The following BAIAP2L1 variants were observed in gnomAD, a reference collection of about 807,000 sequenced individuals.
The protein encoded by BAIAP2L1 is BAR/IMD domain containing adaptor protein 2 like 1.
A neutral mutation model predicts 66.3 loss-of-function variants in BAIAP2L1; 35 were observed. The observed-to-expected ratio is 0.53, with a 90% CI of 0.40 to 0.70. The LOEUF (loss-of-function observed/expected upper bound fraction) is 0.70, where lower values mean the gene tolerates loss of function less well. Among genes scored for constraint, BAIAP2L1 ranks in the 30% least tolerant of loss-of-function variants. The probability of loss-of-function intolerance (pLI) is 0.00; values close to 1 mark genes in which losing one functional copy is unlikely to be tolerated. For missense variants in BAIAP2L1, 622 were observed against 656.9 expected, an observed-to-expected ratio of 0.95 and a Z score of 0.58; for synonymous variants, 269 against 248.7, an observed-to-expected ratio of 1.08 and a Z score of -0.77.
At chr7:98,344,635 A>G (rs889331380) in intron 3 of BAIAP2L1, among the ~76,000 whole-genome samples, 6 of 152,090 alleles carry the variant, frequency 3.9e-5, no homozygotes, top group African/African-American at 9.7e-5. Flanking sequence ...ATTAAAGTGT[A>G]TCTTCTTCCT....
At chr7:98,352,406 C>T (rs1166417857) in intron 3 of BAIAP2L1, among the ~76,000 whole-genome samples, 5 of 152,128 alleles carry the variant, frequency 3.3e-5, no homozygotes, top group Non-Finnish European at 7.3e-5. Context: ...TTTTGAGAGG[C>T]GTAGGCGGGT....
intron 2 of BAIAP2L1, among the ~76,000 whole-genome samples, chr7:98,357,020 A>AAATAT (rs1554337328): frequency 7.1e-5 from 2 of 28,100 alleles, no homozygotes; most frequent in Non-Finnish European, 1.0e-4. Flanking sequence ...AAAAAAAAAA[A>AAATAT]ATATATATAT....
intron 1 of BAIAP2L1, among the ~76,000 whole-genome samples, chr7:98,384,196 T>G (rs548869195): frequency 1.3e-5 from 2 of 148,980 alleles, no homozygotes; most frequent in Non-Finnish European, 3.0e-5. Context: ...TCCTTGGAAA[T>G]GTACCGTCTT....
chr7:98,393,239 G>C (rs929664624), intron 1 of BAIAP2L1, among the ~76,000 whole-genome samples: 1 of 150,658 alleles, frequency 6.6e-6, no homozygotes, highest in African/African-American at 2.4e-5. Context: ...ATGGGGTTTC[G>C]CCATGTTGGC....
chr7:98,318,805 G>A (rs1316054698), intron 5 of BAIAP2L1, among the ~76,000 whole-genome samples: 2 of 151,656 alleles, frequency 1.3e-5, no homozygotes, highest in Admixed American at 6.6e-5. Context: ...TTAGCCGGGT[G>A]CAGTGGTGGG....
intron 12 of BAIAP2L1, among the ~76,000 whole-genome samples, chr7:98,297,238 G>A (rs1800230259): frequency 6.6e-6 from 1 of 152,258 alleles, no homozygotes; most frequent in Non-Finnish European, 1.5e-5. Flanking sequence ...TGTGGACACT[G>A]GCTGACCACC....
intron 1 of BAIAP2L1, among the ~76,000 whole-genome samples, chr7:98,369,583 G>C (rs1361046586): frequency 1.3e-5 from 2 of 151,098 alleles, no homozygotes; most frequent in Non-Finnish European, 1.5e-5. Context: ...GAGCACCACA[G>C]AAAGCAGCCC....
At chr7:98,383,862 A>G (rs181310850) in intron 1 of BAIAP2L1, among the ~76,000 whole-genome samples, 1 of 152,220 alleles carries the variant, frequency 6.6e-6, no homozygotes, top group East Asian at 1.9e-4. Flanking sequence ...TGAATGAAGA[A>G]AGAGCTCCAG....
At chr7:98,370,233 G>A (rs1186998149) in intron 1 of BAIAP2L1, among the ~76,000 whole-genome samples, 2 of 151,900 alleles carry the variant, frequency 1.3e-5, no homozygotes, top group Non-Finnish European at 2.9e-5. Flanking sequence ...AAATTAGCCA[G>A]GCATGGTGGC....
intron 3 of BAIAP2L1, among the ~76,000 whole-genome samples, chr7:98,351,283 C>T (rs1406559590): frequency 6.6e-6 from 1 of 152,182 alleles, no homozygotes; most frequent in African/African-American, 2.4e-5. Flanking sequence ...CCCAGAGCAC[C>T]GCTAACATTT....
intron 1 of BAIAP2L1, among the ~76,000 whole-genome samples, chr7:98,400,538 G>A: frequency 8.0e-6 from 1 of 124,654 alleles, no homozygotes; most frequent in African/African-American, 3.1e-5. Flanking sequence ...AGAGAGACAG[G>A]GAAGAAGCAC....
intron 1 of BAIAP2L1, among the ~76,000 whole-genome samples, chr7:98,383,376 C>G (rs1290882573): frequency 1.3e-5 from 2 of 150,876 alleles, no homozygotes; most frequent in African/African-American, 4.9e-5. Context: ...CTCTGCTTCC[C>G]TGGTTCAAGC....
chr7:98,355,776 CTTTTCTGAGCTAG>C (rs1802106368), intron 2 of BAIAP2L1, among the ~76,000 whole-genome samples: 1 of 152,038 alleles, frequency 6.6e-6, no homozygotes, highest in Non-Finnish European at 1.5e-5. Flanking sequence ...AGCCAGAAAT[CTTTTCTGAGCTAG>C]TTCTTCTCCA....
At chr7:98,353,439 AAT>A (rs1463761631) in intron 3 of BAIAP2L1, among the ~76,000 whole-genome samples, 2 of 136,922 alleles carry the variant, frequency 1.5e-5, no homozygotes, top group South Asian at 2.1e-4. Context: ...ATTATATATA[AAT>A]ATATATACAT....
chr7:98,395,129 A>C (rs969774773), intron 1 of BAIAP2L1, among the ~76,000 whole-genome samples: 2 of 151,712 alleles, frequency 1.3e-5, no homozygotes, highest in African/African-American at 2.4e-5. Flanking sequence ...AAAACAAAAC[A>C]AAACCAAAGA....
intron 3 of BAIAP2L1, among the ~76,000 whole-genome samples, chr7:98,339,827 C>T (rs1264005253): frequency 6.6e-6 from 1 of 152,182 alleles, no homozygotes; most frequent in East Asian, 1.9e-4. Context: ...GAAATCCACA[C>T]CTATTTGTAA....
intron 2 of BAIAP2L1, among the ~76,000 whole-genome samples, chr7:98,359,669 C>T (rs1360822272): frequency 6.6e-6 from 1 of 152,016 alleles, no homozygotes; most frequent in African/African-American, 2.4e-5. Flanking sequence ...TGTTCCAGGC[C>T]ACACCAACCC....
intron 1 of BAIAP2L1, among the ~76,000 whole-genome samples, chr7:98,371,242 T>G (rs1372370088): frequency 6.6e-6 from 1 of 152,226 alleles, no homozygotes; most frequent in Non-Finnish European, 1.5e-5. Flanking sequence ...TATATCTCTA[T>G]CGATTACTGC....
chr7:98,323,069 T>C (rs1461906088), intron 3 of BAIAP2L1: 1 of 151,906 alleles, frequency 6.6e-6, no homozygotes, highest in Non-Finnish European at 1.5e-5. Flanking sequence ...GACAGAACCA[T>C]CCCAGCACTC....
Sources: allele counts gnomAD v4.1 joint callset (sites outside exome capture counted in the v4.1 genomes callset), GRCh38; gene constraint gnomAD v4.1.1; transcripts MANE v1.5; gene names NCBI Gene and HGNC (gene_info 2026-07-23, HGNC 2026-07-21).